Variants in TET3 observed in about 807,000 individuals in gnomAD.
TET3 encodes the protein methylcytosine dioxygenase TET3.
A neutral mutation model predicts 141.4 loss-of-function variants in TET3; 19 were observed. That is an observed-to-expected ratio of 0.13 (90% CI 0.09 to 0.20). TET3 has a LOEUF of 0.20. Ranked by LOEUF, TET3 falls within the 10% of genes least tolerant of loss-of-function variation. TET3 has a pLI of 1.00. For missense variants in TET3, 1,874 were observed against 2,356.9 expected (o/e 0.80, Z 4.24); for synonymous variants, 1,043 against 980.9 (o/e 1.06, Z -1.18).
At position 74,048,271 on chromosome 2, in the gene TET3, C is replaced by G; in HGVS notation, c.2354C>G (p.Thr785Ser). Residue 785 changes from threonine to serine, a missense_variant, in exon 4 of 12, where the codon ACC becomes AGC. By Grantham distance (58) the Thr-to-Ser change is moderately conservative. Transcript: ENST00000409262. ...SEEGGQEATP[T>S]KAENPLTPTL... ...GAGGGAGGACAGGAGGCCACACCCA[C>G]CAAGGCTGAGAACCCACTCACACCC... 6.2e-7 allele frequency: 1 copy of G among 1,613,904 alleles called. No individual in the cohort carries two copies. The highest frequency in any genetic ancestry group is 8.5e-7 in the Non-Finnish European group (1 of 1,179,852).
chr2:74,132,348 G>A, the TET3 span, among the ~76,000 whole-genome samples: 10 of 152,252 alleles, frequency 6.6e-5, no homozygotes, highest in African/African-American at 2.2e-4. Flanking sequence ...AATTCAAGAT[G>A]AGCCAAACAG....
At chr2:74,134,484 A>G in the TET3 span, 4 of 303,168 alleles carry the variant, frequency 1.3e-5, no homozygotes, top group African/African-American at 8.7e-5. Flanking sequence ...CAAGGTTGTT[A>G]TATCTTCATG....
At chr2:74,094,503 G>A (rs1320142051) in intron 10 of TET3, among the ~76,000 whole-genome samples, 1 of 152,202 alleles carries the variant, frequency 6.6e-6, no homozygotes, top group African/African-American at 2.4e-5. Context: ...CAGTAAGTTT[G>A]CATTGTAAAG....
chr2:74,068,985 A>G (rs936980585), intron 4 of TET3, among the ~76,000 whole-genome samples: 1 of 152,086 alleles, frequency 6.6e-6, no homozygotes, highest in African/African-American at 2.4e-5. Flanking sequence ...CTTGACTTTC[A>G]GTAGTTATTA....
chr2:74,090,858 G>C (rs1690451344), intron 8 of TET3, among the ~76,000 whole-genome samples: 1 of 152,192 alleles, frequency 6.6e-6, no homozygotes, highest in South Asian at 2.1e-4. Flanking sequence ...CTTCTGCCTG[G>C]GCTCCTGAGC....
intron 4 of TET3, among the ~76,000 whole-genome samples, chr2:74,057,801 CAAAT>C (rs1264197163): frequency 6.6e-6 from 1 of 152,094 alleles, no homozygotes; most frequent in East Asian, 1.9e-4. Context: ...GATTGATTAA[CAAAT>C]AAACAAAATC....
At chr2:74,053,799 T>G (rs1688074024) in intron 4 of TET3, among the ~76,000 whole-genome samples, 2 of 152,194 alleles carry the variant, frequency 1.3e-5, no homozygotes, top group Non-Finnish European at 2.9e-5. Flanking sequence ...AAGTCTGTTT[T>G]CTACAGTTTT....
chr2:74,054,578 T>C (rs1360159190), intron 4 of TET3, among the ~76,000 whole-genome samples: 2 of 152,146 alleles, frequency 1.3e-5, no homozygotes, highest in African/African-American at 4.8e-5. Context: ...AAATGTTCAG[T>C]CCTGATCTTT....
At chr2:74,091,110 C>A (rs1178336387) in intron 8 of TET3, among the ~76,000 whole-genome samples, 7 of 152,096 alleles carry the variant, frequency 4.6e-5, no homozygotes, top group Non-Finnish European at 1.0e-4. Flanking sequence ...TTACCCCAGA[C>A]CTGGCTTTTA....
At chr2:74,051,606 G>A (rs545886653) in intron 4 of TET3, among the ~76,000 whole-genome samples, 2 of 152,178 alleles carry the variant, frequency 1.3e-5, no homozygotes, top group African/African-American at 2.4e-5. Flanking sequence ...TAGGAGACCC[G>A]TTAGGAAGCT....
At chr2:74,032,449 CTCTGTGTGTGTGTGTGTGTGTGTGTG>C in intron 3 of TET3, among the ~76,000 whole-genome samples, 1 of 42,078 alleles carries the variant, frequency 2.4e-5, no homozygotes, top group Admixed American at 1.8e-4. Context: ...AGGGGTGTGT[CTCTGTGTGTGTGTGTGTGTGTGTGTG>C]TGTGTGTGTG....
chr2:74,032,139 C>T (rs185990775), intron 3 of TET3, among the ~76,000 whole-genome samples: 39 of 152,290 alleles, frequency 2.6e-4, no homozygotes, highest in African/African-American at 7.5e-4. Flanking sequence ...AACCTGGCCC[C>T]TTTGACACAC....
intron 2 of TET3, among the ~76,000 whole-genome samples, chr2:73,994,544 G>C (rs1056374092): frequency 2.0e-5 from 3 of 152,102 alleles, no homozygotes; most frequent in African/African-American, 7.2e-5. Context: ...TTGCGGGAAG[G>C]TTGGGAGGGA....
At chr2:74,111,193 T>G (rs1327904067), downstream of TET3, among the ~76,000 whole-genome samples, 2 of 152,078 alleles carry the variant, frequency 1.3e-5, no homozygotes, top group Non-Finnish European at 2.9e-5. Context: ...TAAACACAAA[T>G]GCCCCCAAAA....
chr2:74,057,840 T>C (rs542265627), intron 4 of TET3, among the ~76,000 whole-genome samples: 21 of 152,294 alleles, frequency 1.4e-4, no homozygotes, highest in African/African-American at 4.8e-4. Flanking sequence ...TCAAATTCTG[T>C]AGGAAAAGTG....
chr2:74,009,288 CAG>C (rs71848031), intron 3 of TET3, among the ~76,000 whole-genome samples: 19,226 of 152,152 alleles, frequency 0.13, 2,138 homozygotes, highest in African/African-American at 0.3. Flanking sequence ...CTGTAGGAGG[CAG>C]AGAGAGGCCC....
upstream of TET3, among the ~76,000 whole-genome samples, chr2:73,984,132 G>C (rs1232982480): frequency 6.6e-6 from 1 of 152,252 alleles, no homozygotes; most frequent in Non-Finnish European, 1.5e-5. This position sits in a 1 kb window ranked among gnomAD's most constrained non-coding sequence, Gnocchi z 5.6. Flanking sequence ...CCTCGAGGCT[G>C]TCCGAGGCCC....
At chr2:73,999,802 A>G (rs1278109524) in intron 2 of TET3, among the ~76,000 whole-genome samples, 1 of 152,138 alleles carries the variant, frequency 6.6e-6, no homozygotes, top group Non-Finnish European at 1.5e-5. Context: ...AGCGGAGAGC[A>G]TACCGGCTGG....
chr2:74,011,393 C>T (rs1008874310), intron 3 of TET3, among the ~76,000 whole-genome samples: 2 of 152,200 alleles, frequency 1.3e-5, no homozygotes, highest in African/African-American at 2.4e-5. Context: ...AGAATTTCTA[C>T]GGCATTTGGA....
Sources: gnomAD v4.1 joint callset for allele counts (sites outside exome capture counted in the v4.1 genomes callset) on GRCh38, gnomAD v4.1.1 for gene constraint, Gnocchi (gnomAD v3.1) non-coding constraint, MANE v1.5 for transcripts, NCBI Gene and HGNC (gene_info 2026-07-23, HGNC 2026-07-21) for gene names.